Variants in NRXN3 observed in about 807,000 individuals in gnomAD.
The protein encoded by NRXN3 is neurexin 3.
NRXN3 carries 32 observed loss-of-function variants against 137.6 expected under a neutral mutation model. That is an observed-to-expected ratio of 0.23 (90% confidence interval 0.18 to 0.31). The LOEUF (loss-of-function observed/expected upper bound fraction) is 0.31. Among genes scored for constraint, NRXN3 ranks in the 10% least tolerant of loss-of-function variants. NRXN3 has a pLI of 1.00. For missense variants in NRXN3, 1,574 were observed against 2,062.5 expected, an observed-to-expected ratio of 0.76 and a Z score of 4.59; for synonymous variants, 798 against 784.5, an observed-to-expected ratio of 1.02 and a Z score of -0.29.
chr14:79,218,713 G>T (rs1395641295), intron 15 of NRXN3, among the ~76,000 whole-genome samples: 1 of 152,138 alleles, frequency 6.6e-6, no homozygotes, highest in African/African-American at 2.4e-5. Context: ...AATAAGATTG[G>T]TTTATTTGAG....
In NRXN3 at chr14:78,882,569, T is replaced by C. The variant is rs376071685; in HGVS notation, c.2275+72225T>C. On this transcript the variant is annotated intron_variant, in intron 10 of 20. Coordinates refer to ENST00000335750, the MANE Select transcript of NRXN3 (RefSeq NM_001330195.2). ...TATTGGATTACTTGCATGAGGCCTG[T>C]AGCCTCTTTGTTTTGGCCAATTTCT... Among the ~76,000 whole-genome samples the C allele has an allele frequency of 4.6e-4, 70 of 151,890 alleles. 1 individual carries two copies. Among genetic ancestry groups the C allele is most frequent in the African/African-American group, 1.6e-3 (65 of 41,152 alleles).
At chr14:78,947,527 C>G (rs1444958601) in intron 10 of NRXN3, among the ~76,000 whole-genome samples, 1 of 152,218 alleles carries the variant, frequency 6.6e-6, no homozygotes, top group African/African-American at 2.4e-5. Context: ...CACTTAGCTT[C>G]TTACTTGAAT....
chr14:79,191,630 A>G (rs1356709576), intron 15 of NRXN3, among the ~76,000 whole-genome samples: 1 of 152,188 alleles, frequency 6.6e-6, no homozygotes, highest in Non-Finnish European at 1.5e-5. Context: ...AGCATTGATG[A>G]CAGTAAACAC....
At chr14:79,486,237 A>G (rs549008304) in intron 16 of NRXN3, among the ~76,000 whole-genome samples, 43 of 152,312 alleles carry the variant, frequency 2.8e-4, no homozygotes, top group Middle Eastern at 3.4e-3. Context: ...GGCCCAATTT[A>G]ACTCCCTAGT....
At chr14:79,608,603 T>G (rs554788381) in intron 16 of NRXN3, among the ~76,000 whole-genome samples, 3 of 152,322 alleles carry the variant, frequency 2.0e-5, no homozygotes, top group Admixed American at 6.5e-5. Flanking sequence ...TGCTGATGAA[T>G]TTTTGCTGGT....
intron 15 of NRXN3, among the ~76,000 whole-genome samples, chr14:79,039,809 G>A (rs971445531): frequency 1.3e-5 from 2 of 151,720 alleles, no homozygotes; most frequent in Admixed American, 6.6e-5. Flanking sequence ...CTCTCATTTC[G>A]GCCTTCCAAG....
At chr14:78,821,161 C>T (rs969825366) in intron 10 of NRXN3, among the ~76,000 whole-genome samples, 9 of 151,950 alleles carry the variant, frequency 5.9e-5, no homozygotes, top group African/African-American at 1.5e-4. Context: ...GCAAAGGTAA[C>T]GAATTAGAAT....
intron 15 of NRXN3, among the ~76,000 whole-genome samples, chr14:79,172,741 T>C (rs1403132324): frequency 6.6e-6 from 1 of 152,174 alleles, no homozygotes; most frequent in Non-Finnish European, 1.5e-5. Flanking sequence ...AAAATTCCTA[T>C]GGAAGAATAA....
chr14:79,165,592 A>G (rs564331388), intron 15 of NRXN3, among the ~76,000 whole-genome samples: 20 of 152,094 alleles, frequency 1.3e-4, no homozygotes, highest in African/African-American at 4.8e-4. Flanking sequence ...AACAGTCTTT[A>G]TGTCATGATT....
intron 10 of NRXN3, among the ~76,000 whole-genome samples, chr14:78,937,989 C>G (rs1394445757): frequency 2.0e-5 from 3 of 152,180 alleles, no homozygotes; most frequent in African/African-American, 7.2e-5. Context: ...AAACAGTTAA[C>G]ATTTAGACAA....
At chr14:79,437,964 A>ATTTTT (rs2095870182) in intron 15 of NRXN3, among the ~76,000 whole-genome samples, 1 of 152,144 alleles carries the variant, frequency 6.6e-6, no homozygotes, top group Non-Finnish European at 1.5e-5. Flanking sequence ...ATCTCATTCA[A>ATTTTT]TTTTTTTAGT....
chr14:78,730,088 C>T (rs2098507737), intron 8 of NRXN3, among the ~76,000 whole-genome samples: 1 of 152,132 alleles, frequency 6.6e-6, no homozygotes, highest in Non-Finnish European at 1.5e-5. Flanking sequence ...TGGGGCCTAG[C>T]CTCTTGGGCC....
chr14:78,321,071 G>A (rs1041952330), intron 4 of NRXN3, among the ~76,000 whole-genome samples: 4 of 151,482 alleles, frequency 2.6e-5, no homozygotes, highest in Admixed American at 6.6e-5. Flanking sequence ...AGCCGAGATC[G>A]CACCACTGCA....
At chr14:79,778,869 T>TCAC (rs1568222779) in intron 19 of NRXN3, among the ~76,000 whole-genome samples, 2 of 152,226 alleles carry the variant, frequency 1.3e-5, no homozygotes, top group African/African-American at 4.8e-5. Context: ...CTTCTACCTT[T>TCAC]CACTGTAATA....
intron 4 of NRXN3, among the ~76,000 whole-genome samples, chr14:78,465,748 T>C (rs1050146621): frequency 6.6e-6 from 1 of 151,916 alleles, no homozygotes; most frequent in Non-Finnish European, 1.5e-5. Context: ...TTGGCCAAGA[T>C]GGTCTCAATC....
chr14:78,590,047 A>C (rs1441567308), intron 4 of NRXN3, among the ~76,000 whole-genome samples: 1 of 152,212 alleles, frequency 6.6e-6, no homozygotes, highest in Non-Finnish European at 1.5e-5. Context: ...AGGAAGGGGG[A>C]TCGAAACCAA....
chr14:79,789,763 C>T (rs572073948), intron 19 of NRXN3, among the ~76,000 whole-genome samples: 28 of 152,142 alleles, frequency 1.8e-4, no homozygotes, highest in Admixed American at 1.6e-3. Flanking sequence ...TACTGCAACC[C>T]GCTTTATCAG....
intron 19 of NRXN3, among the ~76,000 whole-genome samples, chr14:79,722,216 C>T (rs1204300441): frequency 6.6e-6 from 1 of 152,016 alleles, no homozygotes; most frequent in Non-Finnish European, 1.5e-5. Flanking sequence ...TTCCTTCTGA[C>T]TTTAGTAATG....
chr14:79,008,777 G>A (rs906682860), intron 15 of NRXN3, among the ~76,000 whole-genome samples: 3 of 150,826 alleles, frequency 2.0e-5, no homozygotes, highest in African/African-American at 7.3e-5. Flanking sequence ...TCCTGCCTCA[G>A]CCTCCCGAGT....
Sources: allele counts gnomAD v4.1 joint callset (sites outside exome capture counted in the v4.1 genomes callset), GRCh38; gene constraint gnomAD v4.1.1; transcripts MANE v1.5; gene names NCBI Gene and HGNC (gene_info 2026-07-23, HGNC 2026-07-21).